PEX1: variants seen among roughly 807,000 people sequenced by gnomAD.
PEX1 encodes peroxisomal biogenesis factor 1.
A neutral mutation model predicts 152.5 loss-of-function variants in PEX1; 97 were observed. That is an observed-to-expected ratio of 0.64 (90% CI 0.54 to 0.75). The LOEUF is 0.75. Among genes scored for constraint, PEX1 ranks in the 30% least tolerant of loss-of-function variants. PEX1 has a pLI of 0.00. For missense variants in PEX1, 1,357 were observed against 1,516.3 expected, an observed-to-expected ratio of 0.89 and a Z score of 1.74; for synonymous variants, 485 against 531.6, an observed-to-expected ratio of 0.91 and a Z score of 1.21.
At chr7:92,502,738 T>TG (rs1562854601) in intron 13 of PEX1, among the ~76,000 whole-genome samples, 1 of 152,036 alleles carries the variant, frequency 6.6e-6, no homozygotes. Context: ...TATGTGATGG[T>TG]GGAAAAAAAA....
At chr7:92,518,340 A>T in intron 3 of PEX1, 85 bp from the exon 4 acceptor site, 1 of 869,866 alleles carries the variant, frequency 1.1e-6, no homozygotes, top group Non-Finnish European at 1.9e-6. Context: ...TTCTTTTTTT[A>T]AAAAACAAAT....
chr7:92,525,872 A>G (rs117898304), intron 1 of PEX1, among the ~76,000 whole-genome samples: 263 of 152,372 alleles, frequency 1.7e-3, no homozygotes, highest in Non-Finnish European at 2.7e-3. Flanking sequence ...AATGTGGGCA[A>G]CAGAGAATTG....
At position 92,494,364 on chromosome 7, in the gene PEX1, C is replaced by G; in HGVS notation, c.2959G>C (p.Asp987His). The change falls in exon 19 of 24, where the codon GAC (aspartate) becomes CAC (histidine). Residue 987 changes from aspartate (D) to histidine (H), a missense_variant. Coordinates refer to ENST00000248633, the MANE Select transcript of PEX1 (RefSeq NM_000466.3). ...VYVLAATSRP[D>H]LIDPALLRPG... is the part of the protein sequence containing the mutation. ...CTAAGCAGGGCAGGGTCAATCAAGT[C>G]AGGGCGACTAGTAGCAGCCAATACA... The G allele has an allele frequency of 6.2e-7, 1 of 1,613,912 alleles. No homozygotes were observed. The highest frequency in any genetic ancestry group is 8.5e-7 in the Non-Finnish European group (1 of 1,179,940).
intron 11 of PEX1, among the ~76,000 whole-genome samples, chr7:92,505,837 A>G (rs1470852162): frequency 6.6e-6 from 1 of 152,196 alleles, no homozygotes; most frequent in Admixed American, 6.5e-5. Flanking sequence ...AAAAGTACAA[A>G]AGTGTTATAT....
intron 13 of PEX1, 27 bp from the exon 14 acceptor site, chr7:92,502,106 T>G: frequency 6.9e-7 from 1 of 1,446,750 alleles, no homozygotes; most frequent in Non-Finnish European, 9.7e-7. Context: ...AAAATTCGAA[T>G]TTCCAATTGT....
intron 16 of PEX1, among the ~76,000 whole-genome samples, chr7:92,498,329 C>A (rs1047334889): frequency 2.6e-5 from 4 of 151,118 alleles, no homozygotes; most frequent in African/African-American, 4.9e-5. Context: ...CATGGTGAAA[C>A]CCCATCTCTA....
chr7:92,505,194 T>C (rs553511182), intron 11 of PEX1, among the ~76,000 whole-genome samples: 2 of 151,998 alleles, frequency 1.3e-5, no homozygotes, highest in East Asian at 3.9e-4. Context: ...GCAGATCACT[T>C]TGAGGTCAGG....
intron 5 of PEX1, among the ~76,000 whole-genome samples, chr7:92,516,766 C>A (rs1269805882): frequency 6.6e-6 from 1 of 152,208 alleles, no homozygotes; most frequent in Non-Finnish European, 1.5e-5. Flanking sequence ...AGAGCAGACA[C>A]CGGCAGGGTA....
chr7:92,515,552 T>C lies in PEX1; in HGVS notation c.1240-1585A>G, dbSNP rs1792699262. ...CACAGGACTTTACCATCAGCACTTC[T>C]CCCTGTTCTCACCATATAATTTCAA... On this transcript the variant is annotated intron_variant, in intron 5 of 23. Transcript: ENST00000248633. Among the ~76,000 whole-genome samples the C allele has an allele frequency of 4.6e-5, 7 of 152,302 alleles. No individual in the cohort carries two copies. In the South Asian group the frequency reaches 1.4e-3, roughly 32 times the overall value.
chr7:92,509,283 G>T, intron 9 of PEX1, 46 bp downstream of exon 9: 1 of 1,226,130 alleles, frequency 8.2e-7, no homozygotes, highest in Non-Finnish European at 1.2e-6. Flanking sequence ...GCCAGATATA[G>T]TGTTAAAAAC....
rs1433310327 is a variant in PEX1 at position 92,509,418 on chromosome 7, T to C, written c.1588-7A>G. On this transcript the variant is annotated splice_region_variant and splice_polypyrimidine_tract_variant and intron_variant, in intron 8 of 23. Coordinates refer to ENST00000248633, the MANE Select transcript of PEX1 (RefSeq NM_000466.3). ...CCATAGGATCTAGAAGGACCTACAG[T>C]TGCAAGGAAAAATCAGTTTTACATT... 9 of 1,599,582 alleles carry C rather than the reference T, an allele frequency of 5.6e-6. No homozygotes were observed. Among genetic ancestry groups the C allele is most frequent in the Non-Finnish European group, 7.7e-6 (9 of 1,167,390 alleles).
chr7:92,507,231 A>G, intron 9 of PEX1, 105 bp from the exon 10 acceptor site: 3 of 959,688 alleles, frequency 3.1e-6, no homozygotes, highest in Non-Finnish European at 4.7e-6. Context: ...AATTAATTTA[A>G]TTTAATTTTT....
intron 1 of PEX1, among the ~76,000 whole-genome samples, chr7:92,523,171 TA>T (rs1394394138): frequency 6.6e-6 from 1 of 152,186 alleles, no homozygotes; most frequent in African/African-American, 2.4e-5. Flanking sequence ...GAACTACTGA[TA>T]TTCTCTCCAC....
At chr7:92,502,481 CTT>C (rs1234386007) in intron 13 of PEX1, among the ~76,000 whole-genome samples, 3 of 151,998 alleles carry the variant, frequency 2.0e-5, no homozygotes, top group African/African-American at 7.2e-5. Context: ...TCCTATAAAA[CTT>C]ATTTCTCAAA....
intron 20 of PEX1, among the ~76,000 whole-genome samples, chr7:92,492,610 T>G (rs1774594073): frequency 6.6e-6 from 1 of 152,234 alleles, no homozygotes; most frequent in Admixed American, 6.5e-5. Context: ...TTTAACTGAT[T>G]ATTTTTTAAA....
intron 9 of PEX1, among the ~76,000 whole-genome samples, chr7:92,507,992 A>C (rs1399904900): frequency 6.6e-6 from 1 of 152,066 alleles, no homozygotes; most frequent in Non-Finnish European, 1.5e-5. Flanking sequence ...GCAGTTACTA[A>C]AAGTTTTGCC....
chr7:92,494,782 TG>T (rs1328875742), intron 17 of PEX1, among the ~76,000 whole-genome samples, 153 bp from the exon 18 acceptor site: 3 of 151,248 alleles, frequency 2.0e-5, no homozygotes, highest in African/African-American at 7.3e-5. Flanking sequence ...GAAGGCAAGT[TG>T]TATGTAATTA....
chr7:92,520,520 A>C (rs1793003294), intron 2 of PEX1, among the ~76,000 whole-genome samples: 1 of 152,246 alleles, frequency 6.6e-6, no homozygotes, highest in South Asian at 2.1e-4. Context: ...AGAGCAATGT[A>C]GCCCCATCTA....
intron 6 of PEX1, among the ~76,000 whole-genome samples, chr7:92,513,238 AAC>A (rs1310614138): frequency 6.6e-6 from 1 of 152,242 alleles, no homozygotes; most frequent in Non-Finnish European, 1.5e-5. Flanking sequence ...GAGGAACTCA[AAC>A]AGATACTTGT....
Sources: gnomAD v4.1 joint callset for allele counts (sites outside exome capture counted in the v4.1 genomes callset) on GRCh38, gnomAD v4.1.1 for gene constraint, MANE v1.5 for transcripts, NCBI Gene and HGNC (gene_info 2026-07-23, HGNC 2026-07-21) for gene names.